Variants in CBFA2T3 observed in about 807,000 individuals in gnomAD.
The protein encoded by CBFA2T3 is CBFA2/RUNX1 partner transcriptional co-repressor 3, also known as transcriptional corepressor CBFA2T3.
CBFA2T3 carries 31 observed loss-of-function variants against 58.6 expected under a neutral mutation model. The ratio of observed to expected loss-of-function variants is 0.53; its 90% CI spans 0.40 to 0.71. The LOEUF is 0.71. Ranked by LOEUF, CBFA2T3 falls within the 30% of genes least tolerant of loss-of-function variation. CBFA2T3 has a pLI of 0.00. For synonymous variants in CBFA2T3, 531 were observed against 421.9 expected (o/e 1.26, Z -3.17); for missense variants, 1,076 against 963.1 (o/e 1.12, Z -1.55).
At chr16:88,915,694 G>C (rs1970691997) in intron 1 of CBFA2T3, among the ~76,000 whole-genome samples, 1 of 94,032 alleles carries the variant, frequency 1.1e-5, no homozygotes, top group South Asian at 4.8e-4. Context: ...CGTCGACGGG[G>C]GAGCGTGGAC....
intron 3 of CBFA2T3, among the ~76,000 whole-genome samples, chr16:88,894,614 T>C (rs200471556): frequency 6.6e-6 from 1 of 151,304 alleles, no homozygotes; most frequent in African/African-American, 2.4e-5. Context: ...TGTACACACA[T>C]GCACACACAC....
At chr16:88,900,743 C>T (rs1357992161) in intron 2 of CBFA2T3, among the ~76,000 whole-genome samples, 1 of 152,222 alleles carries the variant, frequency 6.6e-6, no homozygotes, top group East Asian at 1.9e-4. Context: ...ACCCCGCCGG[C>T]CCAGCAACTG....
chr16:88,918,769 G>A (rs1250277646), intron 1 of CBFA2T3, among the ~76,000 whole-genome samples: 4 of 152,168 alleles, frequency 2.6e-5, no homozygotes, highest in South Asian at 2.1e-4. Context: ...GGCCCAGCCC[G>A]GCCTCCCACG....
intron 1 of CBFA2T3, among the ~76,000 whole-genome samples, chr16:88,904,804 G>A (rs1260116746): frequency 6.6e-6 from 1 of 152,182 alleles, no homozygotes; most frequent in African/African-American, 2.4e-5. Flanking sequence ...CTGGCTGTGT[G>A]GCCTAGGGAG....
At chr16:88,892,547 G>A (rs1191985545) in intron 3 of CBFA2T3, 62 bp from the exon 4 acceptor site, 21 of 1,590,438 alleles carry the variant, frequency 1.3e-5, no homozygotes, top group South Asian at 5.5e-5. Flanking sequence ...CCCAGACGGC[G>A]GCGACAGTGA....
chr16:88,910,319 C>T (rs1016589850), intron 1 of CBFA2T3, among the ~76,000 whole-genome samples: 3 of 152,164 alleles, frequency 2.0e-5, no homozygotes, highest in African/African-American at 7.2e-5. Context: ...CACCGGCTCT[C>T]CCTGTAGCTC....
chr16:88,878,720 T>C (rs987402903), intron 11 of CBFA2T3, among the ~76,000 whole-genome samples: 1 of 151,774 alleles, frequency 6.6e-6, no homozygotes, highest in Non-Finnish European at 1.5e-5. Context: ...CCGAGGCGGG[T>C]GGATCACCTG....
At chr16:88,940,967 G>A in intron 1 of CBFA2T3, 17 of 874,686 alleles carry the variant, frequency 1.9e-5, no homozygotes, top group Non-Finnish European at 2.3e-5. Context: ...CGGCAGCCGC[G>A]GGCGGAGTCG....
rs577738405 is a variant in CBFA2T3, at chr16:88,962,697, T to G, written c.151+13960A>C. Among the ~76,000 whole-genome samples the G allele has an allele frequency of 3.0e-4, 45 of 152,280 alleles. 1 individual carries two copies. In the South Asian group the frequency reaches 8.5e-3, roughly 29 times the overall value. ...AGCCAGTGCCTTCCCACCCAGCACCTCCTGTGGTCCTCACGGTGCTCGGCC... is the reference window on the plus strand; with the variant it reads ...AGCCAGTGCCTTCCCACCCAGCACCGCCTGTGGTCCTCACGGTGCTCGGCC... On this transcript the variant is annotated intron_variant, in intron 1 of 11. Transcript: ENST00000268679.
At chr16:88,910,883 T>A (rs868863591) in intron 1 of CBFA2T3, among the ~76,000 whole-genome samples, 4 of 150,906 alleles carry the variant, frequency 2.7e-5, no homozygotes, top group African/African-American at 4.9e-5. Context: ...CTCCCTCCCC[T>A]GCCCCCAGCC....
chr16:88,934,993 G>A (rs1597752812), intron 1 of CBFA2T3, among the ~76,000 whole-genome samples: 1 of 152,290 alleles, frequency 6.6e-6, no homozygotes, highest in East Asian at 1.9e-4. Flanking sequence ...ACCCGCCTTG[G>A]CCTCCCAAAG....
In CBFA2T3 at chr16:88,882,619, T is replaced by C. The variant is rs553641015; in HGVS notation, c.1203+57A>G. On this transcript the variant is annotated intron_variant, in intron 8 of 11. Transcript: ENST00000268679. ...GGCTGTGTGTGCGTGGCTGTGTGTG[T>C]GCGTGGCTGTGCGCCTGGGCATGGC... The C allele has an allele frequency of 2.6e-4, 284 of 1,100,948 alleles. 4 individuals are homozygous for C. In the South Asian group the frequency reaches 2.7e-3, roughly 10 times the overall value. The allele number at this position is 1,100,948 out of a possible 1,614,324, so 68.2% of individuals were successfully genotyped here. A position where few individuals can be genotyped will look rare whatever the true frequency, so the allele number is the denominator to read the frequency against.
At chr16:88,898,989 G>A (rs532811784) in intron 2 of CBFA2T3, among the ~76,000 whole-genome samples, 3 of 152,334 alleles carry the variant, frequency 2.0e-5, no homozygotes, top group African/African-American at 4.8e-5. Context: ...GCAGGATAAA[G>A]CCTTAGCCCT....
rs571123746 is a variant in CBFA2T3 at position 88,912,943 on chromosome 16, G to C, written c.152-11287C>G. Among the ~76,000 whole-genome samples, 11 of 152,352 alleles carry C rather than the reference G, an allele frequency of 7.2e-5. No individual in the cohort carries two copies. The South Asian group carries it at 1.7e-3, about 23-fold the overall frequency. Reference sequence around the variant, plus strand: ...TAATTGAGTCTGTCCTGCAGCAGGAGGCCAGGGAATGCCGGTCATGGCTAT... The same window carrying C: ...TAATTGAGTCTGTCCTGCAGCAGGACGCCAGGGAATGCCGGTCATGGCTAT... On this transcript the variant is annotated intron_variant, in intron 1 of 11. Transcript: ENST00000268679.
intron 1 of CBFA2T3, among the ~76,000 whole-genome samples, chr16:88,967,721 C>G (rs1972550671): frequency 6.6e-6 from 1 of 152,150 alleles, no homozygotes; most frequent in South Asian, 2.1e-4. Context: ...GGTTAAAGAT[C>G]AGCCACAGAG....
At chr16:88,914,959 C>T (rs371310576) in intron 1 of CBFA2T3, among the ~76,000 whole-genome samples, 2,473 of 149,642 alleles carry the variant, frequency 0.017, 45 homozygotes, top group African/African-American at 0.04. Context: ...CAATCTGGGC[C>T]GCCCGCTGCC....
intron 3 of CBFA2T3, among the ~76,000 whole-genome samples, chr16:88,897,023 G>A (rs914538335): frequency 2.6e-5 from 4 of 152,252 alleles, no homozygotes; most frequent in African/African-American, 7.2e-5. Flanking sequence ...AGGATTGGGG[G>A]CACACGCGAG....
intron 1 of CBFA2T3, among the ~76,000 whole-genome samples, chr16:88,955,939 CCCAAGGCTCCTGACCCCAG>C (rs1301760601): frequency 1.4e-5 from 2 of 139,770 alleles, no homozygotes; most frequent in African/African-American, 6.1e-5. Context: ...CCTGACCCCG[CCCAAGGCTCCTGACCCCAG>C]CCAAGGCTCC....
Position 88,962,712 on chromosome 16 carries a change from G to A in CBFA2T3, c.151+13945C>T, listed in dbSNP as rs140697357. 7.9e-5 allele frequency among the ~76,000 whole-genome samples: 12 copies of A among 152,326 alleles called. No homozygotes were observed. The East Asian group carries it at 1.7e-3, about 22-fold the overall frequency. ...ACCCAGCACCTCCTGTGGTCCTCAC[G>A]GTGCTCGGCCCAGCCACGAACATGG... On this transcript the variant is annotated intron_variant, in intron 1 of 11. Transcript: ENST00000268679.
Sources: allele counts gnomAD v4.1 joint callset (sites outside exome capture counted in the v4.1 genomes callset), GRCh38; gene constraint gnomAD v4.1.1; transcripts MANE v1.5; gene names NCBI Gene and HGNC (gene_info 2026-07-23, HGNC 2026-07-21).